Variants in NAV3 observed in about 807,000 individuals in gnomAD.
NAV3 encodes neuron navigator 3, also known as pore membrane and/or filament interacting like protein 1.
Under a neutral mutation model 244.7 loss-of-function variants are expected in NAV3, and 87 were observed. The ratio of observed to expected loss-of-function variants is 0.36; its 90% CI spans 0.30 to 0.42. The LOEUF (loss-of-function observed/expected upper bound fraction) is 0.42, where lower values mean the gene tolerates loss of function less well. Among genes scored for constraint, NAV3 ranks in the 20% least tolerant of loss-of-function variants. The pLI, the probability that NAV3 is intolerant of heterozygous loss-of-function variation, is 1.00. For synonymous variants in NAV3, 1,126 were observed against 1,042.2 expected (o/e 1.08, Z -1.55); for missense variants, 2,663 against 2,893.3 (o/e 0.92, Z 1.83).
At chr12:78,058,965 T>G in intron 11 of NAV3, 31 bp from the exon 12 acceptor site, 1 of 1,559,742 alleles carries the variant, frequency 6.4e-7, no homozygotes. Flanking sequence ...TGATTTAGTT[T>G]TCTGTGAATT....
intron 1 of NAV3, among the ~76,000 whole-genome samples, chr12:77,901,795 G>C (rs1474424027): frequency 2.0e-5 from 3 of 152,156 alleles, no homozygotes; most frequent in Non-Finnish European, 4.4e-5. Flanking sequence ...AGTCTCAGCT[G>C]AGCTACTTTG....
intron 39 of NAV3, among the ~76,000 whole-genome samples, chr12:78,207,845 C>A (rs986309635): frequency 2.0e-5 from 3 of 152,082 alleles, no homozygotes; most frequent in Non-Finnish European, 4.4e-5. Flanking sequence ...CTAGTTAGAT[C>A]TGCAGTTTCT....
At chr12:77,784,323 A>G (rs1448245807) in intron 2 of NAV3, among the ~76,000 whole-genome samples, 2 of 152,212 alleles carry the variant, frequency 1.3e-5, no homozygotes, top group Non-Finnish European at 2.9e-5. Flanking sequence ...CACTGGACTC[A>G]GAACAGACTT....
At chr12:78,147,816 CA>C (rs1956924255) in intron 21 of NAV3, among the ~76,000 whole-genome samples, 1 of 151,922 alleles carries the variant, frequency 6.6e-6, no homozygotes, top group African/African-American at 2.4e-5. Context: ...GACAGCATTC[CA>C]AAAGTTCAAC....
intron 11 of NAV3, among the ~76,000 whole-genome samples, chr12:78,051,516 A>T (rs1304220306): frequency 6.6e-6 from 1 of 151,926 alleles, no homozygotes; most frequent in Non-Finnish European, 1.5e-5. Context: ...TTAGCTTGTT[A>T]GAAGCTGCCT....
chr12:77,597,551 T>G (rs1315588996), intron 2 of NAV3, among the ~76,000 whole-genome samples: 2 of 152,104 alleles, frequency 1.3e-5, no homozygotes, highest in Non-Finnish European at 2.9e-5. Context: ...CAAACGATCT[T>G]GAGTTATTGT....
At chr12:78,030,271 C>T (rs956888826) in intron 9 of NAV3, among the ~76,000 whole-genome samples, 1 of 152,136 alleles carries the variant, frequency 6.6e-6, no homozygotes, top group African/African-American at 2.4e-5. Flanking sequence ...AATGATGCCT[C>T]TCTTTCTCAG....
chr12:78,196,575 G>A (rs988259840), intron 34 of NAV3, among the ~76,000 whole-genome samples: 1 of 151,944 alleles, frequency 6.6e-6, no homozygotes. Flanking sequence ...TCAGCAAACT[G>A]GTTATCATAT....
At chr12:77,848,119 CCTTCTAATGAA>C (rs1876931439) in intron 1 of NAV3, among the ~76,000 whole-genome samples, 1 of 152,102 alleles carries the variant, frequency 6.6e-6, no homozygotes, top group African/African-American at 2.4e-5. Context: ...TAAAAGATGG[CCTTCTAATGAA>C]CGTAGTAAAA....
At chr12:77,636,482 AAAGTT>A (rs1389067249) in intron 2 of NAV3, among the ~76,000 whole-genome samples, 13 of 151,382 alleles carry the variant, frequency 8.6e-5, no homozygotes, top group African/African-American at 3.2e-4. Context: ...AAAAAAAAAA[AAAGTT>A]AGGAAACAAC....
chr12:77,632,941 A>G (rs1871980937), intron 2 of NAV3, among the ~76,000 whole-genome samples: 1 of 152,154 alleles, frequency 6.6e-6, no homozygotes, highest in Non-Finnish European at 1.5e-5. Context: ...GTTAACTATT[A>G]TTGCAACTGG....
At chr12:77,926,777 A>T (rs1410939619) in intron 1 of NAV3, among the ~76,000 whole-genome samples, 2 of 152,166 alleles carry the variant, frequency 1.3e-5, no homozygotes, top group African/African-American at 2.4e-5. Context: ...TTCCTAGATG[A>T]TTCTGATGCA....
intron 5 of NAV3, among the ~76,000 whole-genome samples, chr12:77,981,047 A>G (rs1869469434): frequency 6.6e-6 from 1 of 152,174 alleles, no homozygotes. Flanking sequence ...TTATCACAGT[A>G]ACCTGTCCCA....
intron 2 of NAV3, among the ~76,000 whole-genome samples, chr12:77,581,375 C>G (rs1244175523): frequency 5.3e-5 from 8 of 152,106 alleles, no homozygotes; most frequent in Admixed American, 6.6e-5. Context: ...TCTTCATGAT[C>G]AATTTTTCAT....
At chr12:77,979,022 A>T (rs185857283) in intron 5 of NAV3, among the ~76,000 whole-genome samples, 64 of 151,858 alleles carry the variant, frequency 4.2e-4, no homozygotes, top group African/African-American at 1.5e-3. Flanking sequence ...AATTACTTAT[A>T]ATTTTTCAAA....
At chr12:77,870,762 A>T (rs117880379) in intron 1 of NAV3, among the ~76,000 whole-genome samples, 1,578 of 152,348 alleles carry the variant, frequency 0.01, 13 homozygotes, top group Admixed American at 0.015. Flanking sequence ...CATGAGGATC[A>T]TATAAACTGA....
Position 78,027,525 on chromosome 12 carries a change from T to C in NAV3, c.2023+5663T>C, listed in dbSNP as rs114933156. On this transcript the variant is annotated intron_variant, in intron 9 of 39. Coordinates refer to ENST00000397909, the MANE Select transcript of NAV3 (RefSeq NM_001024383.2). ...CATCCATAATTTAAAAATCCAAAAT[T>C]CAGAAGGTCCCAAAGTCATAAGTTT... is the stretch of plus-strand genomic sequence containing the variant. 5.3e-3 allele frequency among the ~76,000 whole-genome samples: 806 copies of C among 152,198 alleles called. 9 individuals carry two copies. Among genetic ancestry groups the C allele is most frequent in the African/African-American group, 0.019 (783 of 41,504 alleles).
intron 1 of NAV3, among the ~76,000 whole-genome samples, chr12:77,837,670 G>A (rs1199590531): frequency 1.3e-5 from 2 of 152,176 alleles, no homozygotes; most frequent in African/African-American, 4.8e-5. Context: ...CTACACTGCA[G>A]CAATAAATAC....
intron 2 of NAV3, among the ~76,000 whole-genome samples, chr12:77,591,257 GT>G (rs1297128057): frequency 5.9e-5 from 9 of 152,142 alleles, no homozygotes; most frequent in Admixed American, 1.3e-4. Context: ...GGAAAAATCT[GT>G]TACTTCTATC....
Sources: gnomAD v4.1 joint callset for allele counts (sites outside exome capture counted in the v4.1 genomes callset) on GRCh38, gnomAD v4.1.1 for gene constraint, MANE v1.5 for transcripts, NCBI Gene and HGNC (gene_info 2026-07-23, HGNC 2026-07-21) for gene names.